Variants in MTMR2 observed in about 807,000 individuals in gnomAD.
The protein encoded by MTMR2 is phosphatidylinositol-3,5-bisphosphate 3-phosphatase MTMR2.
In MTMR2, 55 loss-of-function variants were observed where a neutral mutation model predicts 86.9. The observed-to-expected ratio is 0.63, with a 90% CI of 0.51 to 0.79. The LOEUF (loss-of-function observed/expected upper bound fraction) is 0.79. Among genes scored for constraint, MTMR2 ranks in the 30% least tolerant of loss-of-function variants. The pLI is 0.00. For missense variants in MTMR2, 659 were observed against 772.3 expected, an observed-to-expected ratio of 0.85 and a Z score of 1.74; for synonymous variants, 241 against 266.8, an observed-to-expected ratio of 0.90 and a Z score of 0.94.
At chr11:95,886,578 T>C (rs1466954288) in intron 2 of MTMR2, among the ~76,000 whole-genome samples, 1 of 152,140 alleles carries the variant, frequency 6.6e-6, no homozygotes, top group Non-Finnish European at 1.5e-5. Flanking sequence ...TCGAGTTAAG[T>C]AGTTTAAACT....
chr11:95,855,422 TTTA>T (rs562160379), intron 7 of MTMR2, among the ~76,000 whole-genome samples: 302 of 151,934 alleles, frequency 2.0e-3, no homozygotes, highest in African/African-American at 6.8e-3. Context: ...CTGGCTAATT[TTTA>T]TTTTTTTGTA....
Position 95,842,459 on chromosome 11 carries a change from A to G in MTMR2, c.1387-750T>C, listed in dbSNP as rs1335179047. 2.6e-5 allele frequency among the ~76,000 whole-genome samples: 4 copies of G among 152,296 alleles called. No individual in the cohort carries two copies. The East Asian group carries it at 7.7e-4, about 29-fold the overall frequency. ...TAATGTGTCTTCATCAGGAGGAACC[A>G]TATTAGCACACATCTTAGAAAACCT... On this transcript the variant is annotated intron_variant, in intron 11 of 14. Coordinates refer to ENST00000346299, the MANE Select transcript of MTMR2 (RefSeq NM_016156.6).
chr11:95,901,809 G>A (rs989981301), intron 1 of MTMR2, among the ~76,000 whole-genome samples: 7 of 152,154 alleles, frequency 4.6e-5, no homozygotes, highest in Admixed American at 2.0e-4. Context: ...GCTCCTTGGA[G>A]CAGATAAAGC....
intron 1 of MTMR2, among the ~76,000 whole-genome samples, chr11:95,919,435 T>C (rs1866830673): frequency 6.6e-6 from 1 of 152,178 alleles, no homozygotes; most frequent in African/African-American, 2.4e-5. Context: ...AATGAAATTA[T>C]ATACTACAAA....
In MTMR2 at chr11:95,834,630, C is replaced by T. The variant is rs886048768; in HGVS notation, c.*660G>A. ...GCTACTTTCTCCCCTTCATTTTCCC[C>T]CAAGCACATCTATAAGGCCTCCCAT... On this transcript the variant is annotated 3_prime_UTR_variant, in exon 15 of 15. Coordinates refer to ENST00000346299, the MANE Select transcript of MTMR2 (RefSeq NM_016156.6). 2.0e-5 allele frequency: 3 copies of T among 152,330 alleles called. No individual in the cohort carries two copies. The highest frequency in any genetic ancestry group is 2.0e-4 in the Admixed American group (3 of 15,268). The allele number at this position is 152,330 out of a possible 1,614,324, so 9.4% of individuals were successfully genotyped here. A position where few individuals can be genotyped will look rare whatever the true frequency, so the allele number is the denominator to read the frequency against.
intron 7 of MTMR2, among the ~76,000 whole-genome samples, chr11:95,853,041 TATA>T: frequency 6.7e-6 from 1 of 149,086 alleles, no homozygotes; most frequent in Non-Finnish European, 1.5e-5. Flanking sequence ...AAAATTTATA[TATA>T]ATATATATAT....
intron 9 of MTMR2, 95 bp downstream of exon 9, chr11:95,849,579 A>G: frequency 3.6e-6 from 4 of 1,113,754 alleles, no homozygotes; most frequent in South Asian, 1.2e-5. Context: ...TATGTTTACC[A>G]CTGTAGAGCC....
intron 11 of MTMR2, among the ~76,000 whole-genome samples, chr11:95,843,606 T>C (rs957529045): frequency 6.6e-6 from 1 of 152,172 alleles, no homozygotes; most frequent in African/African-American, 2.4e-5. Flanking sequence ...ATATTCTTCA[T>C]ATACTAAAAC....
At chr11:95,900,979 C>T (rs74376476) in intron 1 of MTMR2, among the ~76,000 whole-genome samples, 1 of 152,292 alleles carries the variant, frequency 6.6e-6, no homozygotes, top group East Asian at 1.9e-4. Flanking sequence ...CACTACCTCC[C>T]TCCTGGAATT....
chr11:95,888,337 A>G, intron 1 of MTMR2, 76 bp from the exon 2 acceptor site: 2 of 948,986 alleles, frequency 2.1e-6, no homozygotes, highest in Non-Finnish European at 1.7e-6. Flanking sequence ...TATTTAATAT[A>G]ACTCCAATAT....
At position 95,904,275 on chromosome 11, in the gene MTMR2, A is replaced by G. The variant is rs531595338; in HGVS notation, c.81-16014T>C. On this transcript the variant is annotated intron_variant, in intron 1 of 14. Coordinates refer to ENST00000346299, the MANE Select transcript of MTMR2 (RefSeq NM_016156.6). ...TCTCTACTCAATCTCGCTAATCAGC[A>G]TAGAAACAAAGTATTATTTCTCTCA... Among the ~76,000 whole-genome samples the G allele has an allele frequency of 2.6e-5, 4 of 152,236 alleles. No homozygotes were observed. The South Asian group carries it at 6.2e-4, about 24-fold the overall frequency.
At position 95,855,960 on chromosome 11, in the gene MTMR2, C is replaced by A. The variant is rs570923902; in HGVS notation, c.654+1592G>T. Among the ~76,000 whole-genome samples, 3 of 152,078 alleles carry A rather than the reference C, an allele frequency of 2.0e-5. 1 individual carries two copies. The highest frequency in any genetic ancestry group is 7.2e-5 in the African/African-American group (3 of 41,478). On this transcript the variant is annotated intron_variant, in intron 7 of 14. Coordinates refer to ENST00000346299, the MANE Select transcript of MTMR2 (RefSeq NM_016156.6). The stretch of plus-strand genomic sequence containing the variant: ...ACAATTTCGTGAATATGTTAAAAAG[C>A]AGTGGACTGTATACTTTAAAACAGT...
intron 13 of MTMR2, 43 bp downstream of exon 13, chr11:95,838,051 T>C: frequency 2.5e-6 from 3 of 1,200,264 alleles, no homozygotes; most frequent in Non-Finnish European, 3.7e-6. Flanking sequence ...GGGAAAAGTA[T>C]ACAGTAGAGA....
Position 95,849,796 on chromosome 11 carries a change from C to G in MTMR2, c.871G>C (p.Val291Leu). The G allele has an allele frequency of 6.2e-7, 1 of 1,614,182 alleles. No individual in the cohort carries two copies. The highest frequency in any genetic ancestry group is 2.2e-5 in the East Asian group (1 of 44,880). ...ITRCSQPMVGVSGKRSKEDEK... is the reference protein window; with the variant it reads ...ITRCSQPMVGLSGKRSKEDEK... ...TCTTCTTTGCTTCGCTTTCCACTCA[C>G]TCCAACCATGGGCTGGCTACACCGA... Residue 291 changes from valine (V) to leucine (L), a missense_variant, in exon 9 of 15, where the codon GTG becomes CTG. Coordinates refer to ENST00000346299, the MANE Select transcript of MTMR2 (RefSeq NM_016156.6).
chr11:95,915,459 C>T (rs189932100), intron 1 of MTMR2, among the ~76,000 whole-genome samples: 13 of 152,186 alleles, frequency 8.5e-5, no homozygotes, highest in Admixed American at 5.9e-4. Context: ...TATTCACATC[C>T]AAATTATAAA....
At chr11:95,856,685 T>A (rs1864229119) in intron 7 of MTMR2, among the ~76,000 whole-genome samples, 1 of 152,172 alleles carries the variant, frequency 6.6e-6, no homozygotes. Flanking sequence ...TAGTTGTTCA[T>A]TTACACTTCA....
intron 7 of MTMR2, among the ~76,000 whole-genome samples, chr11:95,853,455 T>C (rs1293901350): frequency 1.3e-5 from 2 of 152,208 alleles, no homozygotes; most frequent in African/African-American, 4.8e-5. Context: ...ATTCCTCTGC[T>C]TAAAATCAAT....
intron 11 of MTMR2, among the ~76,000 whole-genome samples, chr11:95,844,495 A>G (rs1044243697): frequency 6.6e-6 from 1 of 152,168 alleles, no homozygotes; most frequent in African/African-American, 2.4e-5. Context: ...CAGAACTTGA[A>G]TATGTGTGGA....
Position 95,838,078 on chromosome 11 carries a change from A to G in MTMR2, c.1593+16T>C. On this transcript the variant is annotated intron_variant, in intron 13 of 14. Transcript: ENST00000346299. ...CAGTAGAGATAGTATGGGGAAGGTC[A>G]TGTTTCATATTTTACCTCTTTTCCT... 11 of 1,421,554 alleles carry G rather than the reference A, an allele frequency of 7.7e-6. No homozygotes were observed. The highest frequency in any genetic ancestry group is 1.1e-5 in the Non-Finnish European group (11 of 1,007,800). 88.1% of individuals were successfully genotyped at this position (1,421,554 alleles called of 1,614,324 possible). A position where few individuals can be genotyped will look rare whatever the true frequency, so the allele number is the denominator to read the frequency against.
Sources: allele counts gnomAD v4.1 joint callset (sites outside exome capture counted in the v4.1 genomes callset), GRCh38; gene constraint gnomAD v4.1.1; transcripts MANE v1.5; gene names NCBI Gene and HGNC (gene_info 2026-07-23, HGNC 2026-07-21).